Variants in NPAS3 observed in about 807,000 individuals in gnomAD.
NPAS3 encodes the protein neuronal PAS domain-containing protein 3.
A neutral mutation model predicts 73.1 loss-of-function variants in NPAS3; 14 were observed. That is an observed-to-expected ratio of 0.19 (90% CI 0.13 to 0.30). The LOEUF (loss-of-function observed/expected upper bound fraction) is 0.30. NPAS3 is among the 10% of genes least tolerant of loss of function. The pLI is 1.00. For synonymous variants in NPAS3, 620 were observed against 541.5 expected (o/e 1.14, Z -2.01); for missense variants, 1,096 against 1,250.0 (o/e 0.88, Z 1.86).
At chr14:33,417,344 C>A (rs1377385569) in intron 4 of NPAS3, among the ~76,000 whole-genome samples, 4 of 151,944 alleles carry the variant, frequency 2.6e-5, no homozygotes, top group Non-Finnish European at 5.9e-5. Flanking sequence ...AAATCATGTC[C>A]TCTAAAATAT....
chr14:33,054,901 C>A lies in NPAS3; in HGVS notation c.51-1004C>A, dbSNP rs543606498. Among the ~76,000 whole-genome samples the A allele has an allele frequency of 1.8e-4, 27 of 152,166 alleles. No individual in the cohort carries two copies. The South Asian group carries it at 3.5e-3, about 20-fold the overall frequency. ...TGCTGTGATTACAGGCGTGAGCCAC[C>A]GCACCTGGCCTTATCTGAGTTTTTA... On this transcript the variant is annotated intron_variant, in intron 1 of 11. Transcript: ENST00000356141.
At chr14:32,948,958 G>T (rs142753602) in intron 1 of NPAS3, among the ~76,000 whole-genome samples, 14 of 152,006 alleles carry the variant, frequency 9.2e-5, no homozygotes, top group Admixed American at 7.2e-4. Context: ...TGTGTTTCCC[G>T]TTTTAATTCT....
chr14:33,781,303 T>C (rs1219214370), intron 9 of NPAS3, among the ~76,000 whole-genome samples: 1 of 152,222 alleles, frequency 6.6e-6, no homozygotes, highest in Non-Finnish European at 1.5e-5. Context: ...TACAAATGCA[T>C]CTCGCTTTGT....
chr14:32,997,828 T>C (rs1480524906), intron 1 of NPAS3, among the ~76,000 whole-genome samples: 3 of 151,902 alleles, frequency 2.0e-5, no homozygotes, highest in Admixed American at 1.3e-4. Context: ...GAGGCTTCCC[T>C]GGCCACGTGG....
At position 33,471,769 on chromosome 14, in the gene NPAS3, G is replaced by A. The variant is rs144903306; in HGVS notation, c.469-88352G>A. 1.2e-3 allele frequency among the ~76,000 whole-genome samples: 179 copies of A among 152,322 alleles called. 1 individual carries two copies. The highest frequency in any genetic ancestry group is 2.5e-3 in the Admixed American group (38 of 15,302). On this transcript the variant is annotated intron_variant, in intron 4 of 11. Transcript: ENST00000356141. Reference sequence around the variant, plus strand: ...GTTAAAACTGGAGTCCCCAACCCCCGGTACTGGTCCGTGACCCATTAGGAA... The same window carrying A: ...GTTAAAACTGGAGTCCCCAACCCCCAGTACTGGTCCGTGACCCATTAGGAA...
chr14:33,513,712 T>C (rs575633843), intron 4 of NPAS3, among the ~76,000 whole-genome samples: 4 of 152,170 alleles, frequency 2.6e-5, no homozygotes, highest in African/African-American at 9.6e-5. Context: ...AAGAGTTTAA[T>C]ACAAATTCAA....
intron 1 of NPAS3, among the ~76,000 whole-genome samples, chr14:32,964,066 C>G (rs1434152015): frequency 7.3e-6 from 1 of 136,754 alleles, no homozygotes; most frequent in Non-Finnish European, 1.5e-5. Context: ...AAATGCTGAT[C>G]AGAATATAGA....
intron 4 of NPAS3, among the ~76,000 whole-genome samples, chr14:33,486,891 G>GTTCAGCAA (rs1031636655): frequency 6.6e-6 from 1 of 152,180 alleles, no homozygotes; most frequent in African/African-American, 2.4e-5. Flanking sequence ...TCCTGATCCT[G>GTTCAGCAA]TTCAGCAATT....
intron 4 of NPAS3, among the ~76,000 whole-genome samples, chr14:33,410,278 G>A (rs777400954): frequency 1.3e-5 from 2 of 152,124 alleles, no homozygotes; most frequent in Non-Finnish European, 2.9e-5. Flanking sequence ...TAGATGGAAT[G>A]CAATACATTT....
intron 3 of NPAS3, among the ~76,000 whole-genome samples, chr14:33,243,989 GCTT>G (rs1358762167): frequency 6.6e-6 from 1 of 152,030 alleles, no homozygotes; most frequent in African/African-American, 2.4e-5. Context: ...TAATGTGAAA[GCTT>G]CTTTTTCTAG....
intron 1 of NPAS3, among the ~76,000 whole-genome samples, chr14:32,981,476 C>T (rs1051512049): frequency 2.0e-5 from 3 of 152,110 alleles, no homozygotes; most frequent in African/African-American, 7.2e-5. Flanking sequence ...TAACAAGCTA[C>T]GTATTAAGCA....
intron 4 of NPAS3, among the ~76,000 whole-genome samples, chr14:33,459,109 C>A (rs35845437): frequency 0.09 from 13,693 of 152,150 alleles, 670 homozygotes; most frequent in African/African-American, 0.13. Context: ...GCATTTGTAA[C>A]CTGTCATGAC....
Position 33,571,345 on chromosome 14 carries a change from C to T in NPAS3, c.558+11135C>T, listed in dbSNP as rs1311426897. 2.6e-5 allele frequency among the ~76,000 whole-genome samples: 4 copies of T among 152,282 alleles called. No individual in the cohort carries two copies. The South Asian group carries it at 6.2e-4, about 24-fold the overall frequency. On this transcript the variant is annotated intron_variant, in intron 5 of 11. Coordinates refer to ENST00000356141, the Ensembl canonical transcript of NPAS3. Reference sequence around the variant, plus strand: ...TCTCTGCAGTTCATCCAACGCTGGACATTTTTTCGTAAGCACTGGGGTAGG... The same window carrying T: ...TCTCTGCAGTTCATCCAACGCTGGATATTTTTTCGTAAGCACTGGGGTAGG...
intron 5 of NPAS3, among the ~76,000 whole-genome samples, chr14:33,661,325 C>G (rs563831443): frequency 6.6e-6 from 1 of 152,240 alleles, no homozygotes; most frequent in East Asian, 1.9e-4. Flanking sequence ...TCTTAATAAG[C>G]TTGGAGGGCA....
In NPAS3 at chr14:33,072,625, A is replaced by G. The variant is rs544182942; in HGVS notation, c.140+16631A>G. ...GTGGTCCCATCATAACCCTGAATGG[A>G]TATTTTGCTACACCACAAAACTAGA... is the stretch of plus-strand genomic sequence containing the variant. On this transcript the variant is annotated intron_variant, in intron 2 of 11. Transcript: ENST00000356141. Among the ~76,000 whole-genome samples, 3 of 152,302 alleles carry G rather than the reference A, an allele frequency of 2.0e-5. No homozygotes were observed. The South Asian group carries it at 6.2e-4, about 32-fold the overall frequency.
At chr14:33,277,343 T>A (rs563854036) in intron 3 of NPAS3, among the ~76,000 whole-genome samples, 2 of 152,260 alleles carry the variant, frequency 1.3e-5, no homozygotes, top group East Asian at 3.9e-4. Context: ...GTTCACTGTA[T>A]CTGAGTTTCA....
chr14:33,557,762 G>T (rs1348384676), intron 4 of NPAS3, among the ~76,000 whole-genome samples: 1 of 152,214 alleles, frequency 6.6e-6, no homozygotes, highest in Non-Finnish European at 1.5e-5. Flanking sequence ...GAGGTCAGGA[G>T]ATCAAGGCCA....
intron 2 of NPAS3, among the ~76,000 whole-genome samples, chr14:33,076,131 C>T (rs1314937573): frequency 1.3e-5 from 2 of 152,114 alleles, no homozygotes; most frequent in Non-Finnish European, 2.9e-5. Context: ...CCTGAAAACA[C>T]GGGTCTTTAT....
intron 9 of NPAS3, chr14:33,780,722 T>A (rs1004239057): frequency 4.7e-6 from 2 of 426,922 alleles, no homozygotes; most frequent in African/African-American, 4.1e-5. Context: ...GTTTGATGCC[T>A]TTCTTTCCGA....
Sources: allele counts gnomAD v4.1 joint callset (sites outside exome capture counted in the v4.1 genomes callset), GRCh38; gene constraint gnomAD v4.1.1; transcripts MANE v1.5; gene names NCBI Gene and HGNC (gene_info 2026-07-23, HGNC 2026-07-21).